SNTG1: variants seen among roughly 807,000 people sequenced by gnomAD.
The protein encoded by SNTG1 is gamma-1-syntrophin.
SNTG1 carries 39 observed loss-of-function variants against 74.7 expected under a neutral mutation model. The ratio of observed to expected loss-of-function variants is 0.52; its 90% CI spans 0.40 to 0.68. SNTG1 has a LOEUF of 0.68. SNTG1 is among the 30% of genes least tolerant of loss of function. The probability of loss-of-function intolerance (pLI) is 0.00; values close to 1 mark genes in which losing one functional copy is unlikely to be tolerated. For synonymous variants in SNTG1, 254 were observed against 217.1 expected (o/e 1.17, Z -1.49); for missense variants, 685 against 609.5 (o/e 1.12, Z -1.30).
intron 4 of SNTG1, among the ~76,000 whole-genome samples, chr8:50,434,915 G>A (rs951880538): frequency 1.3e-5 from 2 of 152,054 alleles, no homozygotes; most frequent in East Asian, 3.9e-4. Flanking sequence ...TTTAGTTTCT[G>A]CATGATTTCC....
chr8:50,226,779 C>T (rs1283310065), intron 2 of SNTG1, among the ~76,000 whole-genome samples: 1 of 152,092 alleles, frequency 6.6e-6, no homozygotes, highest in Non-Finnish European at 1.5e-5. Context: ...TGTAACCCGA[C>T]CACCCTGGGC....
At chr8:50,372,499 G>T (rs1030650481) in intron 2 of SNTG1, among the ~76,000 whole-genome samples, 6 of 151,462 alleles carry the variant, frequency 4.0e-5, no homozygotes, top group African/African-American at 7.3e-5. Context: ...CTGATACTTT[G>T]CATCTTTCTT....
intron 1 of SNTG1, among the ~76,000 whole-genome samples, chr8:50,130,198 C>T (rs1444173025): frequency 6.6e-6 from 1 of 152,004 alleles, no homozygotes; most frequent in Admixed American, 6.6e-5. Flanking sequence ...ATAAGTTATC[C>T]TGAATGTAGA....
intron 1 of SNTG1, among the ~76,000 whole-genome samples, chr8:50,024,865 A>C (rs1417793434): frequency 6.6e-6 from 1 of 152,184 alleles, no homozygotes; most frequent in Non-Finnish European, 1.5e-5. Flanking sequence ...GATATGCTGG[A>C]CAAATGAATG....
intron 3 of SNTG1, among the ~76,000 whole-genome samples, chr8:50,400,983 T>C (rs1009984113): frequency 1.3e-5 from 2 of 152,116 alleles, no homozygotes; most frequent in Middle Eastern, 3.2e-3. Flanking sequence ...TTATTAGTGT[T>C]TAAAGTGATG....
intron 13 of SNTG1, among the ~76,000 whole-genome samples, chr8:50,623,263 A>G (rs2094935183): frequency 6.6e-6 from 1 of 152,094 alleles, no homozygotes; most frequent in African/African-American, 2.4e-5. Flanking sequence ...TGAGAGGAAA[A>G]AATTTCAGTT....
intron 8 of SNTG1, among the ~76,000 whole-genome samples, chr8:50,499,031 CTT>C (rs1406378844): frequency 1.1e-4 from 16 of 151,676 alleles, no homozygotes; most frequent in African/African-American, 3.9e-4. Context: ...CTTTATATCT[CTT>C]AAAATCAAAC....
chr8:50,061,593 T>C (rs1820476261), intron 1 of SNTG1, among the ~76,000 whole-genome samples: 1 of 152,158 alleles, frequency 6.6e-6, no homozygotes, highest in East Asian at 1.9e-4. Flanking sequence ...ATTATTGATT[T>C]GAGATTGTTC....
chr8:49,948,880 G>A (rs189841041), intron 1 of SNTG1, among the ~76,000 whole-genome samples: 5 of 152,156 alleles, frequency 3.3e-5, no homozygotes, highest in African/African-American at 9.7e-5. Context: ...CCGGGCTCAC[G>A]GCATGGAGAG....
chr8:50,507,449 G>T (rs540844936), intron 9 of SNTG1, among the ~76,000 whole-genome samples: 1 of 151,930 alleles, frequency 6.6e-6, no homozygotes, highest in Non-Finnish European at 1.5e-5. Flanking sequence ...AAAACCATCT[G>T]GTCATGGGCC....
chr8:50,205,884 G>T (rs1227179727), intron 2 of SNTG1, among the ~76,000 whole-genome samples: 20 of 152,148 alleles, frequency 1.3e-4, no homozygotes, highest in Non-Finnish European at 4.4e-5. Context: ...TTGTAGATGT[G>T]TGGTATTATT....
intron 2 of SNTG1, among the ~76,000 whole-genome samples, chr8:50,215,141 C>G (rs2084718502): frequency 6.6e-6 from 1 of 152,052 alleles, no homozygotes; most frequent in Non-Finnish European, 1.5e-5. Flanking sequence ...GCCCTGTCTC[C>G]TAGGGCAGGA....
At chr8:50,438,486 G>A in intron 4 of SNTG1, 57 bp from the exon 5 acceptor site, 2 of 1,466,014 alleles carry the variant, frequency 1.4e-6, no homozygotes, top group Middle Eastern at 1.7e-4. Flanking sequence ...AACAAAAAAT[G>A]GTGTGTAAGT....
chr8:50,449,409 T>G (rs544666556), intron 5 of SNTG1, among the ~76,000 whole-genome samples: 1 of 152,348 alleles, frequency 6.6e-6, no homozygotes, highest in South Asian at 2.1e-4. Flanking sequence ...GGAGAATGCC[T>G]ATCTAAATAC....
At chr8:50,691,431 T>C (rs2095378769) in intron 15 of SNTG1, among the ~76,000 whole-genome samples, 1 of 152,244 alleles carries the variant, frequency 6.6e-6, no homozygotes, top group South Asian at 2.1e-4. Flanking sequence ...AGAGCTCTTT[T>C]AGTGCAGGCC....
At chr8:50,320,608 G>A (rs574303359) in intron 2 of SNTG1, among the ~76,000 whole-genome samples, 72 of 151,572 alleles carry the variant, frequency 4.8e-4, no homozygotes, top group Middle Eastern at 3.4e-3. Context: ...TCACTGGGCT[G>A]TTTATTTAAA....
chr8:50,222,382 G>A (rs149112937), intron 2 of SNTG1, among the ~76,000 whole-genome samples: 1 of 152,182 alleles, frequency 6.6e-6, no homozygotes, highest in Non-Finnish European at 1.5e-5. Context: ...GTAGTTTGGA[G>A]GTTAAAGGCA....
At position 50,116,549 on chromosome 8, in the gene SNTG1, G is replaced by A. The variant is rs566667953; in HGVS notation, c.-102-56012G>A. ...CCACTTCTCCATCCTCAGTCATTGC[G>A]TACCTAATTCGTATTCGTTCATTTA... On this transcript the variant is annotated intron_variant, in intron 1 of 18. Transcript: ENST00000642720. 6.6e-5 allele frequency among the ~76,000 whole-genome samples: 10 copies of A among 152,200 alleles called. No homozygotes were observed. In the South Asian group the frequency reaches 8.3e-4, roughly 13 times the overall value.
intron 9 of SNTG1, among the ~76,000 whole-genome samples, chr8:50,517,939 C>A (rs2094147784): frequency 6.6e-6 from 1 of 152,174 alleles, no homozygotes; most frequent in African/African-American, 2.4e-5. Flanking sequence ...TTGAACTCAG[C>A]TCTGGAGCAA....
Sources: gnomAD v4.1 joint callset for allele counts (sites outside exome capture counted in the v4.1 genomes callset) on GRCh38, gnomAD v4.1.1 for gene constraint, MANE v1.5 for transcripts, NCBI Gene and HGNC (gene_info 2026-07-23, HGNC 2026-07-21) for gene names.